Variants in ABI2 observed in about 807,000 individuals in gnomAD.
The protein encoded by ABI2 is abelson interactor 2.
ABI2 carries 25 observed loss-of-function variants against 59.2 expected under a neutral mutation model. The ratio of observed to expected loss-of-function variants is 0.42; its 90% CI spans 0.31 to 0.59. The LOEUF (loss-of-function observed/expected upper bound fraction) is 0.59, where lower values mean the gene tolerates loss of function less well. Ranked by LOEUF, ABI2 falls within the 20% of genes least tolerant of loss-of-function variation. ABI2 has a pLI of 0.14. For missense variants in ABI2, 545 were observed against 681.8 expected, an observed-to-expected ratio of 0.80 and a Z score of 2.23; for synonymous variants, 213 against 235.5, an observed-to-expected ratio of 0.90 and a Z score of 0.87.
intron 11 of ABI2, among the ~76,000 whole-genome samples, chr2:203,425,562 A>G (rs1283972397): frequency 6.6e-6 from 1 of 152,240 alleles, no homozygotes; most frequent in African/African-American, 2.4e-5. Context: ...ACTAGAAAAT[A>G]TTAGGTTGAC....
intron 10 of ABI2, among the ~76,000 whole-genome samples, chr2:203,413,188 G>A (rs1559368986): frequency 6.6e-6 from 1 of 152,184 alleles, no homozygotes; most frequent in South Asian, 2.1e-4. Context: ...GCCAGATTTT[G>A]AAACTGACAT....
intron 1 of ABI2, among the ~76,000 whole-genome samples, chr2:203,355,829 C>T (rs865866811): frequency 5.8e-5 from 4 of 68,512 alleles, no homozygotes; most frequent in African/African-American, 2.5e-4. Context: ...AAAACTGTCT[C>T]AAAAAAAAAA....
chr2:203,395,446 T>TACACACACACACAC (rs774200941), intron 6 of ABI2, among the ~76,000 whole-genome samples: 10 of 85,364 alleles, frequency 1.2e-4, no homozygotes, highest in Admixed American at 9.4e-4. Flanking sequence ...TATATATATA[T>TACACACACACACAC]ATACACACAC....
chr2:203,406,251 CTTGT>C (rs1437293951), intron 9 of ABI2, among the ~76,000 whole-genome samples: 1 of 152,052 alleles, frequency 6.6e-6, no homozygotes, highest in East Asian at 1.9e-4. Flanking sequence ...TTACATAAGC[CTTGT>C]TTGTTAAGGA....
In ABI2 at chr2:203,394,778, T is replaced by C. The variant is rs1559320578; in HGVS notation, c.657T>C (p.Arg219=). The change falls in exon 6 of 12, where the codon CGT becomes CGC. Residue 219 remains arginine, a synonymous_variant. Coordinates refer to ENST00000261018, the MANE Select transcript of ABI2 (RefSeq NM_001375670.1). ...ATGATTACGTACCTAGCCCAACCCG[T>C]AATATGGCTCCCTCGCAGCAGAGCC... ...VPNDYVPSPT[R]NMAPSQQSPV... 2 of 1,614,054 alleles carry C rather than the reference T, an allele frequency of 1.2e-6. No homozygotes were observed. The highest frequency in any genetic ancestry group is 1.7e-6 in the Non-Finnish European group (2 of 1,180,026).
Position 203,416,974 on chromosome 2 carries a change from C to G in ABI2, c.1346C>G (p.Pro449Arg). 1 of 1,614,122 alleles carries G rather than the reference C, an allele frequency of 6.2e-7. No individual in the cohort carries two copies. Among genetic ancestry groups the G allele is most frequent in the Non-Finnish European group, 8.5e-7 (1 of 1,180,010 alleles). Residue 449 changes from proline to arginine, a missense_variant, in exon 11 of 12, where the codon CCT (proline) becomes CGT (arginine). Coordinates refer to ENST00000261018, the MANE Select transcript of ABI2 (RefSeq NM_001375670.1). ...EPVFDESPPP[P>R]PPPEDYEEEE... ...GTCTTTGATGAGTCTCCCCCACCTCCTCCTCCTCCAGAAGATTACGAAGAG... is the reference window on the plus strand; with the variant it reads ...GTCTTTGATGAGTCTCCCCCACCTCGTCCTCCTCCAGAAGATTACGAAGAG...
chr2:203,417,174 G>A (rs2153549469), intron 11 of ABI2, 93 bp downstream of exon 11: 2 of 1,142,866 alleles, frequency 1.7e-6, no homozygotes, highest in Non-Finnish European at 2.4e-6. Flanking sequence ...TTTCTACTAA[G>A]TGAAGTTCTA....
At chr2:203,394,633 C>A (rs1046744665) in intron 5 of ABI2, 67 bp from the exon 6 acceptor site, 1 of 1,483,492 alleles carries the variant, frequency 6.7e-7, no homozygotes, top group Non-Finnish European at 9.2e-7. Context: ...CAACTGCTGG[C>A]AACTCTTTGA....
intron 3 of ABI2, 70 bp downstream of exon 3, chr2:203,380,454 G>C: frequency 9.7e-7 from 1 of 1,035,270 alleles, no homozygotes; most frequent in Non-Finnish European, 1.3e-6. Context: ...AGAAAATTAA[G>C]CTTTTTATCT....
intron 4 of ABI2, among the ~76,000 whole-genome samples, chr2:203,386,774 G>A (rs570227560): frequency 2.0e-5 from 3 of 151,796 alleles, no homozygotes; most frequent in Admixed American, 6.6e-5. Context: ...AAGCAGCTGG[G>A]ATTACAGGCA....
At position 203,407,506 on chromosome 2, in the gene ABI2, A is replaced by T. The variant is rs546100219; in HGVS notation, c.1193-3779A>T. 2.6e-5 allele frequency among the ~76,000 whole-genome samples: 4 copies of T among 152,364 alleles called. 1 individual carries two copies. The South Asian group carries it at 8.3e-4, about 32-fold the overall frequency. Reference sequence around the variant, plus strand: ...TTTTTCCAAACTTTTTGAATTGGACATCTAAAATACAAGCTTCATTGATGC... The same window carrying T: ...TTTTTCCAAACTTTTTGAATTGGACTTCTAAAATACAAGCTTCATTGATGC... On this transcript the variant is annotated intron_variant, in intron 9 of 11. Coordinates refer to ENST00000261018, the MANE Select transcript of ABI2 (RefSeq NM_001375670.1).
chr2:203,406,379 G>C (rs532523179), intron 9 of ABI2, among the ~76,000 whole-genome samples: 105 of 152,244 alleles, frequency 6.9e-4, no homozygotes, highest in African/African-American at 2.4e-3. Context: ...GTGAATGTTG[G>C]TTCCAAGAGA....
intron 9 of ABI2, 67 bp from the exon 10 acceptor site, chr2:203,411,218 A>G (rs2097661932): frequency 8.4e-7 from 1 of 1,189,160 alleles, no homozygotes; most frequent in Non-Finnish European, 1.3e-6. Flanking sequence ...ATTTTATTGT[A>G]TTATCCTTTC....
At chr2:203,352,839 C>A (rs1002203659) in intron 1 of ABI2, among the ~76,000 whole-genome samples, 25 of 152,182 alleles carry the variant, frequency 1.6e-4, no homozygotes, top group African/African-American at 5.8e-4. Context: ...ATGGTAAGTG[C>A]CCTATGCAGG....
intron 2 of ABI2, among the ~76,000 whole-genome samples, chr2:203,370,753 G>A (rs13430972): frequency 0.74 from 111,933 of 151,978 alleles, 42,349 homozygotes; most frequent in Middle Eastern, 0.87. Flanking sequence ...AGAAGATTGA[G>A]TTGAAGGAAT....
At chr2:203,376,514 G>A (rs2095689374) in intron 2 of ABI2, among the ~76,000 whole-genome samples, 2 of 152,116 alleles carry the variant, frequency 1.3e-5, no homozygotes, top group Non-Finnish European at 2.9e-5. Context: ...TTTTTACTGA[G>A]ATTTGATATA....
intron 1 of ABI2, chr2:203,355,220 A>C (rs2091272621): frequency 2.5e-6 from 1 of 398,740 alleles, no homozygotes; most frequent in Admixed American, 2.4e-5. Flanking sequence ...AAGTTAAAAA[A>C]AGAAGACTGG....
intron 1 of ABI2, among the ~76,000 whole-genome samples, chr2:203,336,356 C>A (rs2076444232): frequency 1.3e-5 from 2 of 152,132 alleles, no homozygotes; most frequent in South Asian, 4.1e-4. Context: ...GTGGATGTAT[C>A]CACATAGGCT....
chr2:203,331,668 CTTA>C lies in ABI2; in HGVS notation c.117+3042_117+3044del, dbSNP rs2073639443. 2.0e-5 allele frequency among the ~76,000 whole-genome samples: 3 copies of C among 150,920 alleles called. No homozygotes were observed. In the South Asian group the frequency reaches 6.3e-4, roughly 32 times the overall value. On this transcript the variant is annotated intron_variant, in intron 1 of 11. Transcript: ENST00000261018. The stretch of plus-strand genomic sequence containing the variant: ...AGCCACCGCACCTGGCCAATTTAGC[CTTA>C]TTATAGCATCATGTCTTAGCCACTA...
Sources: allele counts gnomAD v4.1 joint callset (sites outside exome capture counted in the v4.1 genomes callset), GRCh38; gene constraint gnomAD v4.1.1; transcripts MANE v1.5; gene names NCBI Gene and HGNC (gene_info 2026-07-23, HGNC 2026-07-21).